The following ART3 variants were observed in gnomAD, a reference collection of about 807,000 sequenced individuals.
ART3 encodes ADP-ribosyltransferase 3 (inactive), also known as ecto-ADP-ribosyltransferase 3.
A neutral mutation model predicts 48.5 loss-of-function variants in ART3; 49 were observed. The ratio of observed to expected loss-of-function variants is 1.01; its 90% CI spans 0.80 to 1.28. The LOEUF is 1.28. ART3 is among the 50% of genes most tolerant of loss of function. The pLI is 0.00. For missense variants in ART3, 438 were observed against 454.3 expected, an observed-to-expected ratio of 0.96 and a Z score of 0.33; for synonymous variants, 145 against 157.2, an observed-to-expected ratio of 0.92 and a Z score of 0.58.
At chr4:76,026,313 T>A (rs893190175) in intron 1 of ART3, among the ~76,000 whole-genome samples, 1 of 152,116 alleles carries the variant, frequency 6.6e-6, no homozygotes, top group African/African-American at 2.4e-5. Context: ...TTAATTAGTG[T>A]AATGTCTGTT....
chr4:76,099,482 C>A, intron 5 of ART3: 1 of 175,752 alleles, frequency 5.7e-6, no homozygotes, highest in Non-Finnish European at 1.2e-5. Context: ...GAATTGGCTT[C>A]GTGGAGATCT....
At chr4:76,021,665 C>A in intron 1 of ART3, 1 of 420,330 alleles carries the variant, frequency 2.4e-6, no homozygotes, top group Non-Finnish European at 4.2e-6. Flanking sequence ...TCAGAACATC[C>A]ACTAAGAACA....
rs993977301 is a variant in ART3, at chr4:76,081,846, T to A, written c.92T>A (p.Met31Lys). The A allele has an allele frequency of 2.5e-6, 4 of 1,613,880 alleles. No homozygotes were observed. Among genetic ancestry groups the A allele is most frequent in the Admixed American group, 1.7e-5 (1 of 60,010 alleles). Reference sequence around the variant, plus strand: ...AAGGTGAAGGCTGAAGTGTTAGACATGGCAGATAATGCATTTGATGATGAA... The same window carrying A: ...AAGGTGAAGGCTGAAGTGTTAGACAAGGCAGATAATGCATTTGATGATGAA... ...IFQVKAEVLD[M>K]ADNAFDDEYL... Residue 31 changes from methionine to lysine, a missense_variant, in exon 3 of 12, where the codon ATG becomes AAG. Physicochemically the swap from Met to Lys is moderately conservative, Grantham distance 95. This residue lies in a region of ART3 where 206 missense variants were observed against 205.3 expected (regional missense o/e 1.00). Coordinates refer to ENST00000355810, the MANE Select transcript of ART3 (RefSeq NM_001130016.3).
At chr4:76,061,918 TTTTTACACGAA>T (rs1189983133) in intron 1 of ART3, among the ~76,000 whole-genome samples, 1 of 152,226 alleles carries the variant, frequency 6.6e-6, no homozygotes, top group African/African-American at 2.4e-5. Context: ...CTGAAGTGGA[TTTTTACACGAA>T]TTTCTAGAGT....
chr4:76,096,813 T>C (rs925091250), intron 3 of ART3, among the ~76,000 whole-genome samples: 2 of 152,206 alleles, frequency 1.3e-5, no homozygotes, highest in African/African-American at 4.8e-5. Context: ...CATATACAAA[T>C]GAATATTCTG....
At chr4:76,077,103 G>A (rs74286829) in intron 2 of ART3, among the ~76,000 whole-genome samples, 17,780 of 151,874 alleles carry the variant, frequency 0.12, 1,380 homozygotes, top group East Asian at 0.35. Context: ...ATTATGTTCT[G>A]CAACCATCAC....
intron 3 of ART3, among the ~76,000 whole-genome samples, chr4:76,083,157 C>G (rs1255891867): frequency 6.6e-6 from 1 of 152,100 alleles, no homozygotes; most frequent in African/African-American, 2.4e-5. Flanking sequence ...GTAATCACAC[C>G]ACTGCACTGC....
intron 1 of ART3, among the ~76,000 whole-genome samples, chr4:76,025,933 T>G (rs879268654): frequency 1.1e-4 from 17 of 152,236 alleles, no homozygotes; most frequent in Admixed American, 4.6e-4. Context: ...GATCACTTAC[T>G]TTTTTTATTT....
upstream of ART3, among the ~76,000 whole-genome samples, chr4:76,073,260 A>C (rs1720507083): frequency 6.6e-6 from 1 of 152,266 alleles, no homozygotes. Context: ...AATGGAGGCC[A>C]GCGACAGGAG....
chr4:76,049,048 A>G (rs942437232), intron 1 of ART3, among the ~76,000 whole-genome samples: 2 of 151,996 alleles, frequency 1.3e-5, no homozygotes, highest in African/African-American at 4.8e-5. Flanking sequence ...AGCTTCAGGA[A>G]TAGCTTTTGT....
At chr4:76,041,795 A>G (rs1302332681) in intron 1 of ART3, among the ~76,000 whole-genome samples, 4 of 152,208 alleles carry the variant, frequency 2.6e-5, no homozygotes, top group Admixed American at 1.3e-4. Flanking sequence ...TGTATTATAT[A>G]CTGACTCCAT....
intron 1 of ART3, chr4:76,021,944 T>C (rs1367480487): frequency 6.2e-7 from 1 of 1,611,400 alleles, no homozygotes; most frequent in Non-Finnish European, 8.5e-7. Context: ...GGAGATCTTT[T>C]AGACCTGTAA....
chr4:76,076,595 C>T (rs894297673), intron 2 of ART3, among the ~76,000 whole-genome samples: 2 of 152,292 alleles, frequency 1.3e-5, no homozygotes, highest in East Asian at 3.9e-4. Context: ...TGGGTTCACA[C>T]TGTACATAGA....
In ART3 at chr4:76,112,685, T is replaced by C. The variant is rs1729709091; in HGVS notation, c.*166T>C. ...TGCAAATTCAGAAAGTTGGTCCAGA[T>C]ATATGTCACAGAACTTTTCACTTGT... On this transcript the variant is annotated 3_prime_UTR_variant, in exon 12 of 12. Coordinates refer to ENST00000355810, the MANE Select transcript of ART3 (RefSeq NM_001130016.3). 1 of 749,170 alleles carries C rather than the reference T, an allele frequency of 1.3e-6. No homozygotes were observed. Among genetic ancestry groups the C allele is most frequent in the African/African-American group, 1.8e-5 (1 of 55,124 alleles). The allele number at this position is 749,170 out of a possible 1,614,324, so 46.4% of individuals were successfully genotyped here. A position where few individuals can be genotyped will look rare whatever the true frequency, so the allele number is the denominator to read the frequency against.
intron 1 of ART3, among the ~76,000 whole-genome samples, chr4:76,075,650 A>G (rs1720880869): frequency 6.6e-6 from 1 of 152,162 alleles, no homozygotes; most frequent in African/African-American, 2.4e-5. Flanking sequence ...TGAGCAAATC[A>G]CTGAAATTCT....
At chr4:76,092,075 AG>A (rs1179895152) in intron 3 of ART3, among the ~76,000 whole-genome samples, 16 of 152,146 alleles carry the variant, frequency 1.1e-4, no homozygotes, top group Admixed American at 1.0e-3. Flanking sequence ...TTTCTTGCAA[AG>A]TTGTTTTGGT....
At chr4:76,055,236 A>G (rs10002977) in intron 1 of ART3, among the ~76,000 whole-genome samples, 33,058 of 152,090 alleles carry the variant, frequency 0.22, 4,096 homozygotes, top group East Asian at 0.4. Flanking sequence ...CTGAGTGTCT[A>G]CCTCTCACCT....
chr4:76,097,022 G>A (rs923188204), intron 3 of ART3, among the ~76,000 whole-genome samples: 5 of 152,058 alleles, frequency 3.3e-5, no homozygotes, highest in East Asian at 1.9e-4. Context: ...AAATTTTGCC[G>A]ACTAATTATA....
chr4:76,038,132 T>C (rs1578268673), intron 1 of ART3, among the ~76,000 whole-genome samples: 1 of 152,154 alleles, frequency 6.6e-6, no homozygotes, highest in East Asian at 1.9e-4. Flanking sequence ...GCTCCATCAC[T>C]TCATCCCATC....
Sources: allele counts gnomAD v4.1 joint callset (sites outside exome capture counted in the v4.1 genomes callset), GRCh38; gene constraint gnomAD v4.1.1; regional missense constraint gnomAD v4.1.1; transcripts MANE v1.5; gene names NCBI Gene and HGNC (gene_info 2026-07-23, HGNC 2026-07-21).